MACROD2: variants seen among roughly 807,000 people sequenced by gnomAD.
MACROD2 encodes the protein mono-ADP ribosylhydrolase 2.
A neutral mutation model predicts 70.4 loss-of-function variants in MACROD2; 36 were observed. That is an observed-to-expected ratio of 0.51 (90% CI 0.39 to 0.68). MACROD2 has a LOEUF of 0.68. MACROD2 is among the 30% of genes least tolerant of loss of function. MACROD2 has a pLI of 0.00. For synonymous variants in MACROD2, 172 were observed against 178.8 expected (o/e 0.96, Z 0.30); for missense variants, 496 against 538.4 (o/e 0.92, Z 0.78).
intron 3 of MACROD2, among the ~76,000 whole-genome samples, chr20:14,105,547 C>G (rs1468891408): frequency 6.6e-6 from 1 of 152,144 alleles, no homozygotes; most frequent in Non-Finnish European, 1.5e-5. Context: ...GCTCTGGGGT[C>G]CTAGGTAAAC....
At chr20:15,924,185 G>A (rs980921531) in intron 10 of MACROD2, among the ~76,000 whole-genome samples, 1 of 152,226 alleles carries the variant, frequency 6.6e-6, no homozygotes, top group Non-Finnish European at 1.5e-5. Flanking sequence ...GAAGAAACAA[G>A]TATTTTAAAG....
chr20:14,189,822 A>G (rs564128079), intron 3 of MACROD2, among the ~76,000 whole-genome samples: 31 of 152,334 alleles, frequency 2.0e-4, no homozygotes, highest in Non-Finnish European at 3.7e-4. Flanking sequence ...AAGGCTTTAT[A>G]TATTTTAAAC....
At chr20:14,896,982 T>C (rs2073838131) in intron 5 of MACROD2, among the ~76,000 whole-genome samples, 2 of 152,188 alleles carry the variant, frequency 1.3e-5, no homozygotes, top group East Asian at 1.9e-4. Context: ...GTTTATATTA[T>C]AGATGGCCAA....
At chr20:15,952,391 AT>A (rs10637569) in intron 12 of MACROD2, among the ~76,000 whole-genome samples, 2,701 of 146,298 alleles carry the variant, frequency 0.018, 65 homozygotes, top group African/African-American at 0.053. Flanking sequence ...ATCAGAAACC[AT>A]TTTTTTTTTT....
chr20:15,309,448 C>A (rs2077730126), intron 6 of MACROD2, among the ~76,000 whole-genome samples: 1 of 152,164 alleles, frequency 6.6e-6, no homozygotes, highest in South Asian at 2.1e-4. Flanking sequence ...CACCTAGCAC[C>A]TTGTGTTGCT....
intron 3 of MACROD2, among the ~76,000 whole-genome samples, chr20:14,472,411 A>G (rs888608908): frequency 6.6e-6 from 1 of 152,218 alleles, no homozygotes; most frequent in East Asian, 1.9e-4. Flanking sequence ...AATTTCCAGC[A>G]TATGTTGAAT....
intron 2 of MACROD2, among the ~76,000 whole-genome samples, chr20:14,039,233 T>C (rs2053356376): frequency 6.6e-6 from 1 of 152,160 alleles, no homozygotes; most frequent in Non-Finnish European, 1.5e-5. Context: ...TGGTTGACCA[T>C]CCTAGAGACC....
chr20:15,611,506 T>C (rs555672082), intron 8 of MACROD2, among the ~76,000 whole-genome samples: 1 of 152,244 alleles, frequency 6.6e-6, no homozygotes, highest in South Asian at 2.1e-4. Context: ...ACCTACCTGG[T>C]GCCTAGTCTA....
At chr20:14,232,006 A>C (rs1286158664) in intron 3 of MACROD2, among the ~76,000 whole-genome samples, 1 of 151,614 alleles carries the variant, frequency 6.6e-6, no homozygotes, top group African/African-American at 2.4e-5. Flanking sequence ...TTTTCTTGTA[A>C]ATTTGTTTGA....
At chr20:15,512,816 C>T (rs902400688) in intron 8 of MACROD2, among the ~76,000 whole-genome samples, 2 of 152,116 alleles carry the variant, frequency 1.3e-5, no homozygotes, top group Non-Finnish European at 2.9e-5. Flanking sequence ...TATTAAAATT[C>T]ATTGCTGAGA....
chr20:16,019,248 T>C (rs1273270658), intron 15 of MACROD2, among the ~76,000 whole-genome samples: 5 of 152,150 alleles, frequency 3.3e-5, no homozygotes, highest in Non-Finnish European at 5.9e-5. Flanking sequence ...TATAAAATGG[T>C]ACCATACATA....
At chr20:14,903,041 T>C (rs1329498292) in intron 5 of MACROD2, among the ~76,000 whole-genome samples, 12 of 108,732 alleles carry the variant, frequency 1.1e-4, no homozygotes, top group Non-Finnish European at 2.2e-4. Context: ...TTCTTTCCCT[T>C]TTTTTTTTTT....
intron 2 of MACROD2, among the ~76,000 whole-genome samples, chr20:14,006,589 A>G (rs1403100682): frequency 2.6e-5 from 4 of 152,060 alleles, no homozygotes; most frequent in Non-Finnish European, 4.4e-5. Flanking sequence ...TGTTTTTCCC[A>G]TTGTCTCATA....
At chr20:15,115,806 C>G (rs1364484596) in intron 5 of MACROD2, among the ~76,000 whole-genome samples, 2 of 151,834 alleles carry the variant, frequency 1.3e-5, no homozygotes, top group Non-Finnish European at 2.9e-5. Flanking sequence ...ATTTTTTAAA[C>G]TAGGAAAATA....
At chr20:14,330,720 G>A (rs1349556501) in intron 3 of MACROD2, among the ~76,000 whole-genome samples, 1 of 152,032 alleles carries the variant, frequency 6.6e-6, no homozygotes. Context: ...TGCCCACAGA[G>A]GAAAGTTTAA....
At chr20:15,542,517 TC>T (rs1261466597) in intron 8 of MACROD2, among the ~76,000 whole-genome samples, 1 of 152,124 alleles carries the variant, frequency 6.6e-6, no homozygotes, top group Non-Finnish European at 1.5e-5. Flanking sequence ...TATGGGTGCT[TC>T]TGTGATCTGG....
At chr20:14,806,357 G>A (rs572605085) in intron 5 of MACROD2, among the ~76,000 whole-genome samples, 3 of 152,138 alleles carry the variant, frequency 2.0e-5, no homozygotes, top group South Asian at 2.1e-4. Context: ...AGGGGTTGGG[G>A]AACTCTCTCC....
chr20:16,026,177 C>A (rs2147568011), intron 15 of MACROD2, among the ~76,000 whole-genome samples: 1 of 151,924 alleles, frequency 6.6e-6, no homozygotes, highest in South Asian at 2.1e-4. Flanking sequence ...AACAAACAAA[C>A]AAACAAACAA....
chr20:15,206,899 G>C (rs2076712753), intron 5 of MACROD2, among the ~76,000 whole-genome samples: 2 of 150,392 alleles, frequency 1.3e-5, no homozygotes, highest in African/African-American at 4.9e-5. Context: ...ACCGCGCCCG[G>C]CTAATTTTTT....
Sources: allele counts gnomAD v4.1 joint callset (sites outside exome capture counted in the v4.1 genomes callset), GRCh38; gene constraint gnomAD v4.1.1; transcripts MANE v1.5; gene names NCBI Gene and HGNC (gene_info 2026-07-23, HGNC 2026-07-21).